MAP3K21: variants seen among roughly 807,000 people sequenced by gnomAD.
MAP3K21 encodes the protein mitogen-activated protein kinase kinase kinase MLK4.
A neutral mutation model predicts 86.1 loss-of-function variants in MAP3K21; 63 were observed. That is an observed-to-expected ratio of 0.73 (90% confidence interval 0.60 to 0.90). The LOEUF (loss-of-function observed/expected upper bound fraction) is 0.90, where lower values mean the gene tolerates loss of function less well. Among genes scored for constraint, MAP3K21 ranks in the 40% least tolerant of loss-of-function variants. The pLI is 0.00. For missense variants in MAP3K21, 1,220 were observed against 1,367.7 expected (o/e 0.89, Z 1.70); for synonymous variants, 558 against 564.8 (o/e 0.99, Z 0.17).
chr1:233,356,944 A>G (rs1029296844), intron 4 of MAP3K21, among the ~76,000 whole-genome samples: 1 of 152,346 alleles, frequency 6.6e-6, no homozygotes, highest in African/African-American at 2.4e-5. Flanking sequence ...AATATTAAAC[A>G]TTGAAACAAA....
rs201367410 is a variant in MAP3K21 at position 233,332,929 on chromosome 1, A to T, written c.805+4096A>T. On this transcript the variant is annotated intron_variant, in intron 1 of 9. Transcript: ENST00000366624. ...TACTTTTATACTTTTTATGTCAGTG[A>T]TTAAGCATTTATTATCTCAATTTTT... Among the ~76,000 whole-genome samples the T allele has an allele frequency of 5.9e-5, 9 of 152,080 alleles. No homozygotes were observed. The East Asian group carries it at 1.7e-3, about 29-fold the overall frequency.
intron 1 of MAP3K21, among the ~76,000 whole-genome samples, chr1:233,338,916 G>T (rs556801772): frequency 3.3e-5 from 5 of 152,192 alleles, no homozygotes; most frequent in African/African-American, 9.7e-5. Context: ...AGCATGAAAA[G>T]GTATGTAAAG....
intron 4 of MAP3K21, among the ~76,000 whole-genome samples, chr1:233,361,377 G>A (rs1252460001): frequency 1.3e-5 from 2 of 152,106 alleles, no homozygotes; most frequent in African/African-American, 2.4e-5. Flanking sequence ...ATGTATCAGC[G>A]GGATCTGAAA....
At chr1:233,339,641 C>G (rs921901825) in intron 1 of MAP3K21, among the ~76,000 whole-genome samples, 1 of 151,804 alleles carries the variant, frequency 6.6e-6, no homozygotes, top group East Asian at 1.9e-4. Flanking sequence ...TACCATGATG[C>G]CCAGCCACTT....
intron 5 of MAP3K21, among the ~76,000 whole-genome samples, chr1:233,369,842 G>A (rs1274162400): frequency 6.6e-6 from 1 of 152,174 alleles, no homozygotes; most frequent in Non-Finnish European, 1.5e-5. Flanking sequence ...GAAGAAGTGA[G>A]CTGACCCCTC....
chr1:233,339,165 G>GT (rs1247452422), intron 1 of MAP3K21, among the ~76,000 whole-genome samples: 15 of 151,668 alleles, frequency 9.9e-5, no homozygotes, highest in Admixed American at 9.2e-4. Context: ...TCAAATAACT[G>GT]TTTTGCTACA....
intron 5 of MAP3K21, among the ~76,000 whole-genome samples, chr1:233,363,850 A>G (rs1194398740): frequency 7.6e-6 from 1 of 131,094 alleles, no homozygotes. Flanking sequence ...CTACTAAAAT[A>G]CAAAAAAAAA....
rs549653319 is a variant in MAP3K21 at position 233,357,169 on chromosome 1, C to T, written c.1311+2158C>T. On this transcript the variant is annotated intron_variant, in intron 4 of 9. Transcript: ENST00000366624. ...TATTGCAAGGACAAAAAACCAAACACTGCATGTTCTCACTCATAGGTGGGA... is the reference window on the plus strand; with the variant it reads ...TATTGCAAGGACAAAAAACCAAACATTGCATGTTCTCACTCATAGGTGGGA... Among the ~76,000 whole-genome samples, 6 of 152,246 alleles carry T rather than the reference C, an allele frequency of 3.9e-5. No individual in the cohort carries two copies. The East Asian group carries it at 9.7e-4, about 25-fold the overall frequency.
At chr1:233,335,572 A>G (rs774372364) in intron 1 of MAP3K21, among the ~76,000 whole-genome samples, 8 of 152,086 alleles carry the variant, frequency 5.3e-5, no homozygotes, top group Non-Finnish European at 1.2e-4. Flanking sequence ...TGACTTGATC[A>G]AAGTCATTCA....
At chr1:233,329,951 T>C (rs1370773716) in intron 1 of MAP3K21, among the ~76,000 whole-genome samples, 1 of 152,234 alleles carries the variant, frequency 6.6e-6, no homozygotes, top group East Asian at 1.9e-4. Context: ...ATGTTGGTTC[T>C]TTAATATTGA....
intron 4 of MAP3K21, among the ~76,000 whole-genome samples, chr1:233,355,869 T>C (rs10910135): frequency 6.6e-6 from 1 of 151,926 alleles, no homozygotes; most frequent in African/African-American, 2.4e-5. Flanking sequence ...GTGCAGCCTT[T>C]CTTCCCTCAT....
chr1:233,334,230 G>A (rs948536245), intron 1 of MAP3K21, among the ~76,000 whole-genome samples: 1 of 149,900 alleles, frequency 6.7e-6, no homozygotes, highest in Non-Finnish European at 1.5e-5. Flanking sequence ...TCAAACTCCT[G>A]GAGTCAAGCC....
intron 1 of MAP3K21, among the ~76,000 whole-genome samples, chr1:233,336,779 T>A (rs1662924435): frequency 6.6e-6 from 1 of 152,192 alleles, no homozygotes; most frequent in Non-Finnish European, 1.5e-5. Flanking sequence ...ACAGCAAAGT[T>A]TGAAAGCTAC....
rs1296666890 is a variant in MAP3K21 at position 233,339,398 on chromosome 1, TCTC to T, written c.806-7026_806-7024del. 2.0e-4 allele frequency among the ~76,000 whole-genome samples: 21 copies of T among 102,810 alleles called. 1 individual carries two copies. The highest frequency in any genetic ancestry group is 4.6e-4 in the African/African-American group (13 of 28,074). The allele number at this position is 102,810 out of a possible 152,430, so 67.4% of individuals were successfully genotyped here. A position where few individuals can be genotyped will look rare whatever the true frequency, so the allele number is the denominator to read the frequency against. On this transcript the variant is annotated intron_variant, in intron 1 of 9. Transcript: ENST00000366624. Reference sequence around the variant, plus strand: ...TCCTTCTTCTCCTTCTTCTCCTCCTTCTCCTCCTCCTCCTCCTCCTTCTCCTCC... The same window carrying T: ...TCCTTCTTCTCCTTCTTCTCCTCCTTCTCCTCCTCCTCCTCCTTCTCCTCC...
intron 4 of MAP3K21, 55 bp downstream of exon 4, chr1:233,355,066 A>G: frequency 1.2e-5 from 16 of 1,316,714 alleles, no homozygotes; most frequent in Non-Finnish European, 1.6e-5. Flanking sequence ...AACTATGGAA[A>G]ATATGAGGCA....
chr1:233,356,183 A>T (rs1558457212), intron 4 of MAP3K21, among the ~76,000 whole-genome samples: 1 of 152,164 alleles, frequency 6.6e-6, no homozygotes, highest in South Asian at 2.1e-4. Flanking sequence ...TCCATCGGGT[A>T]AACTGTGGGT....
chr1:233,334,066 C>A (rs923752111), intron 1 of MAP3K21, among the ~76,000 whole-genome samples: 10 of 151,790 alleles, frequency 6.6e-5, no homozygotes, highest in Admixed American at 3.9e-4. Context: ...GGGGTTTCAC[C>A]GTGTTAGCCA....
intron 3 of MAP3K21, among the ~76,000 whole-genome samples, chr1:233,354,351 C>T (rs1663306215): frequency 6.6e-6 from 1 of 152,148 alleles, no homozygotes; most frequent in Admixed American, 6.5e-5. Context: ...TCTATTTTAT[C>T]CTTATCTTTA....
rs1388498908 is a variant in MAP3K21, at chr1:233,372,117, C to T, written c.1632C>T (p.Pro544=). The T allele has an allele frequency of 6.2e-7, 1 of 1,614,046 alleles. No individual in the cohort carries two copies. The highest frequency in any genetic ancestry group is 8.5e-7 in the Non-Finnish European group (1 of 1,180,030). Residue 544 remains proline, a synonymous_variant, in exon 6 of 10, where the codon CCC becomes CCT. Coordinates refer to ENST00000366624, the MANE Select transcript of MAP3K21 (RefSeq NM_032435.3). ...GCCTGAACAGCAGCAGTTCCAGTCCCCCGAGCAGCCCCACAATGATGCCCC... is the reference window on the plus strand; with the variant it reads ...GCCTGAACAGCAGCAGTTCCAGTCCTCCGAGCAGCCCCACAATGATGCCCC... The part of the protein sequence containing the change: ...RRSLNSSSSS[P]PSSPTMMPRL...
Sources: gnomAD v4.1 joint callset for allele counts (sites outside exome capture counted in the v4.1 genomes callset) on GRCh38, gnomAD v4.1.1 for gene constraint, MANE v1.5 for transcripts, NCBI Gene and HGNC (gene_info 2026-07-23, HGNC 2026-07-21) for gene names.